The following CCHCR1 variants were observed in gnomAD, a reference collection of about 807,000 sequenced individuals.
The protein encoded by CCHCR1 is HCR (a-helix coiled-coil rod homologue).
CCHCR1 carries 91 observed loss-of-function variants against 114.6 expected under a neutral mutation model. That is an observed-to-expected ratio of 0.79 (90% CI 0.67 to 0.94). The LOEUF (loss-of-function observed/expected upper bound fraction) is 0.94. CCHCR1 is among the 40% of genes least tolerant of loss of function. CCHCR1 has a pLI of 0.00. For synonymous variants in CCHCR1, 379 were observed against 428.5 expected (o/e 0.88, Z 1.43); for missense variants, 899 against 1,079.9 (o/e 0.83, Z 2.35).
chr6:31,149,801 A>G (rs3132533), intron 8 of CCHCR1: 253,974 of 426,484 alleles, frequency 0.6, 76,676 homozygotes, highest in Middle Eastern at 0.68. Flanking sequence ...TCAGGAGTTC[A>G]AGACCAAAGT....
In CCHCR1 at chr6:31,151,437, T is replaced by C. The variant is rs993529663; in HGVS notation, c.802-315A>G. ...AAACCCTCAGTGGCTTCTCACAGCA[T>C]TCACAACAAAACCCAGGTGTCTCTC... On this transcript the variant is annotated intron_variant, in intron 4 of 17. Transcript: ENST00000396268. The surrounding 1 kb of genome is among the most constrained non-coding windows in gnomAD (Gnocchi z 4.1). Among the ~76,000 whole-genome samples the C allele has an allele frequency of 1.3e-5, 2 of 152,156 alleles. No homozygotes were observed. Among genetic ancestry groups the C allele is most frequent in the African/African-American group, 4.8e-5 (2 of 41,448 alleles).
At chr6:31,146,679 A>G (rs1183589167) in intron 10 of CCHCR1, among the ~76,000 whole-genome samples, 1 of 152,192 alleles carries the variant, frequency 6.6e-6, no homozygotes, top group Non-Finnish European at 1.5e-5. Flanking sequence ...AGCCCTTATT[A>G]AAGTCTCCAA....
intron 12 of CCHCR1, 37 bp from the exon 13 acceptor site, chr6:31,145,339 C>A: frequency 6.2e-7 from 1 of 1,612,902 alleles, no homozygotes; most frequent in South Asian, 1.1e-5. Flanking sequence ...AAGAAATCAC[C>A]CAGCTGCCTG....
Position 31,150,100 on chromosome 6 carries a change from T to G in CCHCR1, c.1328A>C (p.Glu443Ala). 6.2e-7 allele frequency: 1 copy of G among 1,614,182 alleles called. No individual in the cohort carries two copies. The highest frequency in any genetic ancestry group is 8.5e-7 in the Non-Finnish European group (1 of 1,180,028). ...CAGCTGCTTAACAGAGTCACTGTGT[T>G]CCAGCTCCTGGGCCTTTAGCTGCAC... ...LMVQLKAQEL[E>A]HSDSVKQLKG... The change falls in exon 8 of 18, where the codon GAA becomes GCA. Residue 443 changes from glutamate (E) to alanine (A), a missense_variant. Transcript: ENST00000396268. The surrounding 1 kb of genome is among the most constrained non-coding windows in gnomAD (Gnocchi z 5.3).
At position 31,144,813 on chromosome 6, in the gene CCHCR1, A is replaced by C; in HGVS notation, c.2066-25T>G. ...GCTGGGGTGAAAGTGCAGACGGGGC[A>C]TATCAGCAGGAGCTTTGATTCGCAG... On this transcript the variant is annotated intron_variant, in intron 14 of 17. Coordinates refer to ENST00000396268, the MANE Select transcript of CCHCR1 (RefSeq NM_001105564.2). This position sits in a 1 kb window ranked among gnomAD's most constrained non-coding sequence, Gnocchi z 4.6. 6.2e-7 allele frequency: 1 copy of C among 1,611,388 alleles called. No individual in the cohort carries two copies.
Position 31,150,680 on chromosome 6 carries a change from A to G in CCHCR1, c.1101+45T>C. The G allele has an allele frequency of 1.9e-6, 3 of 1,604,286 alleles. No individual in the cohort carries two copies. Among genetic ancestry groups the G allele is most frequent in the Non-Finnish European group, 2.6e-6 (3 of 1,175,056 alleles). On this transcript the variant is annotated intron_variant, in intron 6 of 17. Coordinates refer to ENST00000396268, the MANE Select transcript of CCHCR1 (RefSeq NM_001105564.2). The surrounding 1 kb of genome is among the most constrained non-coding windows in gnomAD (Gnocchi z 5.3). The stretch of plus-strand genomic sequence containing the variant: ...CTCCAAGGGCCACGCTTGCCTCCCA[A>G]CCTGATCCCTAAGTCTGCACACAGA...
At chr6:31,153,418 CT>C (rs977483953) in intron 4 of CCHCR1, among the ~76,000 whole-genome samples, 15 of 149,654 alleles carry the variant, frequency 1.0e-4, no homozygotes, top group East Asian at 5.9e-4. Flanking sequence ...ATAAATATAG[CT>C]TTTTTTTTTC....
Position 31,157,378 on chromosome 6 carries a change from C to T in CCHCR1, c.216+7G>A. 6.2e-7 allele frequency: 1 copy of T among 1,606,134 alleles called. No individual in the cohort carries two copies. The highest frequency in any genetic ancestry group is 8.5e-7 in the Non-Finnish European group (1 of 1,173,762). ...CATACTTTCAGGATTCTGGGCAGTG[C>T]CTCTACCCTCCTCCTTAAGTTTCTA... On this transcript the variant is annotated splice_region_variant and intron_variant, in intron 1 of 17. Coordinates refer to ENST00000396268, the MANE Select transcript of CCHCR1 (RefSeq NM_001105564.2).
At chr6:31,156,073 G>A (rs1173801325) in intron 3 of CCHCR1, among the ~76,000 whole-genome samples, 1 of 152,198 alleles carries the variant, frequency 6.6e-6, no homozygotes, top group Non-Finnish European at 1.5e-5. Context: ...GCCATATCTG[G>A]CTCGCTCTTT....
chr6:31,153,123 G>A (rs1775488245), intron 4 of CCHCR1, among the ~76,000 whole-genome samples: 1 of 152,090 alleles, frequency 6.6e-6, no homozygotes, highest in Non-Finnish European at 1.5e-5. Flanking sequence ...GGGATTACAG[G>A]CGCCCACGAC....
At position 31,157,561 on chromosome 6, in the gene CCHCR1, T is replaced by G; in HGVS notation, c.40A>C (p.Thr14Pro). 6.2e-7 allele frequency: 1 copy of G among 1,612,834 alleles called. No individual in the cohort carries two copies. The highest frequency in any genetic ancestry group is 1.1e-5 in the South Asian group (1 of 91,032). The part of the protein sequence containing the change: ...HSAGARPWAS[T>P]LTGKDPRVMA... ...ACTCTTGGGTCCTTCCCTGTTAAAG[T>G]GCTGGCCCAAGGCCTGGCCCCAGCT... Residue 14 changes from threonine to proline, a missense_variant, in exon 1 of 18, where the codon ACT (threonine) becomes CCT (proline). Coordinates refer to ENST00000396268, the MANE Select transcript of CCHCR1 (RefSeq NM_001105564.2).
Position 31,142,523 on chromosome 6 carries a change from T to A in CCHCR1, c.*69A>T. The A allele has an allele frequency of 6.7e-7, 1 of 1,500,018 alleles. No homozygotes were observed. 92.9% of individuals were successfully genotyped at this position (1,500,018 alleles called of 1,614,324 possible). A position where few individuals can be genotyped will look rare whatever the true frequency, so the allele number is the denominator to read the frequency against. ...CAACCCCAGGATGGGGAAGGGCTGGTCTGTCCCCACCCACTTCTCCAGGAT... is the reference window on the plus strand; with the variant it reads ...CAACCCCAGGATGGGGAAGGGCTGGACTGTCCCCACCCACTTCTCCAGGAT... On this transcript the variant is annotated 3_prime_UTR_variant, in exon 18 of 18. Coordinates refer to ENST00000396268, the MANE Select transcript of CCHCR1 (RefSeq NM_001105564.2).
chr6:31,155,360 T>C (rs1444194454), intron 3 of CCHCR1, among the ~76,000 whole-genome samples: 2 of 151,966 alleles, frequency 1.3e-5, no homozygotes, highest in Admixed American at 1.3e-4. Context: ...ATCCCAGCAC[T>C]TTGGGAGGCC....
Position 31,144,705 on chromosome 6 carries a change from T to G in CCHCR1, c.2149A>C (p.Arg717=), listed in dbSNP as rs199615077. The change falls in exon 15 of 18, where the codon AGG becomes CGG. Residue 717 remains arginine (R), a synonymous_variant. Transcript: ENST00000396268. The surrounding 1 kb of genome is among the most constrained non-coding windows in gnomAD (Gnocchi z 4.6). ...DTERRLNEAR[R]EHAKAVVSLR... ...GGCTCACCGGCCTTGGCATGCTCCC[T>G]CCGAGCCTCGTTCAGCCTCCTCTCT... 1.2e-6 allele frequency: 2 copies of G among 1,611,318 alleles called. No homozygotes were observed. The highest frequency in any genetic ancestry group is 1.7e-6 in the Non-Finnish European group (2 of 1,178,088).
In CCHCR1 at chr6:31,150,618, A is replaced by G; in HGVS notation, c.1102-53T>C. The G allele has an allele frequency of 1.3e-6, 2 of 1,590,024 alleles. No homozygotes were observed. The highest frequency in any genetic ancestry group is 1.7e-5 in the Admixed American group (1 of 59,320). ...GTAGGGCCTCCATGCCGCCTTAGGT[A>G]CCACCTTCTCTCCCGGAGGCTGTGC... On this transcript the variant is annotated intron_variant, in intron 6 of 17. Coordinates refer to ENST00000396268, the MANE Select transcript of CCHCR1 (RefSeq NM_001105564.2). This position sits in a 1 kb window ranked among gnomAD's most constrained non-coding sequence, Gnocchi z 5.3.
chr6:31,147,127 A>C (rs1350859690), intron 10 of CCHCR1, among the ~76,000 whole-genome samples: 1 of 152,064 alleles, frequency 6.6e-6, no homozygotes, highest in African/African-American at 2.4e-5. Flanking sequence ...CCGGCCAGGC[A>C]CGGTGGCTCA....
Position 31,142,644 on chromosome 6 carries a change from T to G in CCHCR1, c.2564A>C (p.Gln855Pro). 2 of 1,613,626 alleles carry G rather than the reference T, an allele frequency of 1.2e-6. No individual in the cohort carries two copies. The highest frequency in any genetic ancestry group is 2.2e-5 in the South Asian group (2 of 91,082). Residue 855 changes from glutamine (Q) to proline (P), a missense_variant, in exon 18 of 18, where the codon CAA (glutamine) becomes CCA (proline). Gln to Pro is a moderately conservative substitution (Grantham distance 76). Transcript: ENST00000396268. ...GGAGCATCTGTCAAGGTTGTCTCCT[T>G]GACAAACAGCTTCCTCTTTGGAAAT... ...EAISKEEAVC[Q>P]GDNLDRCSSS...
At chr6:31,142,852 C>T (rs56175750) in intron 17 of CCHCR1, 111 bp downstream of exon 17, 1 of 1,491,834 alleles carries the variant, frequency 6.7e-7, no homozygotes. Flanking sequence ...CTAAAAGAGG[C>T]TAAGGGCCTC....
At chr6:31,142,881 A>C (rs1238294241) in intron 17 of CCHCR1, 82 bp downstream of exon 17, 2 of 1,523,312 alleles carry the variant, frequency 1.3e-6, no homozygotes, top group East Asian at 2.3e-5. Context: ...GCAGAGAACA[A>C]CACTCATCAT....
Sources: gnomAD v4.1 joint callset for allele counts (sites outside exome capture counted in the v4.1 genomes callset) on GRCh38, gnomAD v4.1.1 for gene constraint, Gnocchi (gnomAD v3.1) non-coding constraint, MANE v1.5 for transcripts, NCBI Gene and HGNC (gene_info 2026-07-23, HGNC 2026-07-21) for gene names.